The following CNTNAP2 variants were observed in gnomAD, a reference collection of about 807,000 sequenced individuals.
The protein encoded by CNTNAP2 is contactin-associated protein-like 2.
Under a neutral mutation model 155.2 loss-of-function variants are expected in CNTNAP2, and 98 were observed. That is an observed-to-expected ratio of 0.63 (90% CI 0.54 to 0.75). CNTNAP2 has a LOEUF of 0.75. CNTNAP2 is among the 30% of genes least tolerant of loss of function. The pLI, the probability that CNTNAP2 is intolerant of heterozygous loss-of-function variation, is 0.00. For missense variants in CNTNAP2, 1,727 were observed against 1,688.1 expected, an observed-to-expected ratio of 1.02 and a Z score of -0.40; for synonymous variants, 651 against 631.2, an observed-to-expected ratio of 1.03 and a Z score of -0.47.
At chr7:147,805,686 T>G (rs975700182) in intron 13 of CNTNAP2, among the ~76,000 whole-genome samples, 2 of 152,210 alleles carry the variant, frequency 1.3e-5, no homozygotes, top group African/African-American at 2.4e-5. Context: ...AAAATGATGA[T>G]ATGGTTTTTG....
chr7:146,602,630 G>T, intron 1 of CNTNAP2, among the ~76,000 whole-genome samples: 1 of 152,120 alleles, frequency 6.6e-6, no homozygotes, highest in Non-Finnish European at 1.5e-5. Flanking sequence ...TAACTACGTT[G>T]CCCTTGATAC....
intron 10 of CNTNAP2, among the ~76,000 whole-genome samples, chr7:147,434,744 A>G (rs1242893165): frequency 6.6e-6 from 1 of 152,226 alleles, no homozygotes; most frequent in Admixed American, 6.5e-5. Flanking sequence ...TTAGTTGTAC[A>G]TGGAGCACCT....
At chr7:146,625,761 C>T (rs533505478) in intron 1 of CNTNAP2, among the ~76,000 whole-genome samples, 10 of 151,902 alleles carry the variant, frequency 6.6e-5, no homozygotes, top group South Asian at 6.2e-4. Flanking sequence ...CAGAAAAATA[C>T]GGTTTCAGTA....
intron 1 of CNTNAP2, among the ~76,000 whole-genome samples, chr7:146,199,678 C>T (rs1798828744): frequency 6.6e-6 from 1 of 152,044 alleles, no homozygotes; most frequent in African/African-American, 2.4e-5. Context: ...AACACTTTAC[C>T]CCCACCTTTT....
intron 10 of CNTNAP2, among the ~76,000 whole-genome samples, chr7:147,429,091 T>C (rs1355643632): frequency 6.6e-6 from 1 of 152,158 alleles, no homozygotes; most frequent in Non-Finnish European, 1.5e-5. Flanking sequence ...TCCAGATTTC[T>C]GTGAATGCCA....
intron 17 of CNTNAP2, among the ~76,000 whole-genome samples, chr7:148,171,496 T>C (rs1033615475): frequency 6.6e-6 from 1 of 152,240 alleles, no homozygotes; most frequent in Non-Finnish European, 1.5e-5. Flanking sequence ...TGAATCTTTC[T>C]GTGAAATTTC....
intron 2 of CNTNAP2, among the ~76,000 whole-genome samples, chr7:146,827,873 C>T (rs1237772879): frequency 6.6e-6 from 1 of 152,000 alleles, no homozygotes; most frequent in Non-Finnish European, 1.5e-5. Context: ...ACAGCAGCTT[C>T]CAAATAGTTG....
At chr7:146,245,178 A>G (rs1490664390) in intron 1 of CNTNAP2, among the ~76,000 whole-genome samples, 1 of 152,002 alleles carries the variant, frequency 6.6e-6, no homozygotes, top group Admixed American at 6.6e-5. Context: ...AAAGAAGGAA[A>G]TATGGGGAAA....
At chr7:146,849,827 G>C (rs1332765938) in intron 3 of CNTNAP2, among the ~76,000 whole-genome samples, 1 of 152,114 alleles carries the variant, frequency 6.6e-6, no homozygotes, top group Non-Finnish European at 1.5e-5. Context: ...CAAGTAAGTA[G>C]TTAATAGTAG....
chr7:148,229,673 G>A lies in CNTNAP2; in HGVS notation c.3275G>A (p.Gly1092Asp), dbSNP rs1312151190. 2 of 1,613,914 alleles carry A rather than the reference G, an allele frequency of 1.2e-6. No individual in the cohort carries two copies. Among genetic ancestry groups the A allele is most frequent in the African/African-American group, 1.3e-5 (1 of 74,880 alleles). ...TGSLQIRYNL[G>D]GTREPYNIDV... ...AGCTTACAGATTCGATACAACCTGG[G>A]TGGCACCCGAGAGCCATACAATATT... The change falls in exon 20 of 24, where the codon GGT (glycine) becomes GAT (aspartate). Residue 1092 changes from glycine to aspartate, a missense_variant. By Grantham distance (94) the Gly-to-Asp change is moderately conservative (BLOSUM62 -1). Coordinates refer to ENST00000361727, the MANE Select transcript of CNTNAP2 (RefSeq NM_014141.6).
At chr7:146,824,501 C>T (rs116703454) in intron 2 of CNTNAP2, among the ~76,000 whole-genome samples, 3 of 152,136 alleles carry the variant, frequency 2.0e-5, no homozygotes, top group African/African-American at 7.2e-5. Flanking sequence ...TTCACTCCTA[C>T]CAACAGTGTG....
At chr7:146,947,027 A>G (rs1797191916) in intron 3 of CNTNAP2, among the ~76,000 whole-genome samples, 1 of 151,716 alleles carries the variant, frequency 6.6e-6, no homozygotes, top group Non-Finnish European at 1.5e-5. Context: ...ATATCAATTT[A>G]TTTATTTATT....
intron 1 of CNTNAP2, among the ~76,000 whole-genome samples, chr7:146,192,422 A>G (rs1419263806): frequency 6.6e-6 from 1 of 152,192 alleles, no homozygotes; most frequent in Non-Finnish European, 1.5e-5. Flanking sequence ...AAAGTAAAGA[A>G]GTTTAATGAA....
intron 20 of CNTNAP2, among the ~76,000 whole-genome samples, chr7:148,259,638 G>T (rs931409316): frequency 6.6e-6 from 1 of 152,138 alleles, no homozygotes; most frequent in Non-Finnish European, 1.5e-5. Context: ...GAGAACCCAC[G>T]CCATTTAGGT....
intron 21 of CNTNAP2, among the ~76,000 whole-genome samples, chr7:148,366,798 CCTGT>C (rs1205187478): frequency 6.6e-6 from 1 of 152,140 alleles, no homozygotes; most frequent in Non-Finnish European, 1.5e-5. Flanking sequence ...GTTTTCACCA[CCTGT>C]CTAAGACAGA....
intron 1 of CNTNAP2, among the ~76,000 whole-genome samples, chr7:146,483,949 C>T (rs1797018084): frequency 6.6e-6 from 1 of 152,168 alleles, no homozygotes; most frequent in African/African-American, 2.4e-5. Context: ...CCTCAGCCTT[C>T]ACATTCACCC....
chr7:147,901,748 T>C (rs1193570793), intron 13 of CNTNAP2, among the ~76,000 whole-genome samples: 3 of 152,182 alleles, frequency 2.0e-5, no homozygotes, highest in Non-Finnish European at 4.4e-5. Flanking sequence ...CTCCTCTGTG[T>C]TCATAATACT....
At chr7:148,362,988 A>ATT (rs35983945) in intron 21 of CNTNAP2, among the ~76,000 whole-genome samples, 5 of 150,642 alleles carry the variant, frequency 3.3e-5, no homozygotes, top group African/African-American at 1.2e-4. Context: ...TCAACATGCT[A>ATT]TTTTTTTTTT....
intron 1 of CNTNAP2, among the ~76,000 whole-genome samples, chr7:146,714,976 G>T (rs1801161500): frequency 6.6e-6 from 1 of 152,076 alleles, no homozygotes; most frequent in African/African-American, 2.4e-5. Flanking sequence ...ACCTACTCAG[G>T]TAATTCCTAC....
Sources: gnomAD v4.1 joint callset for allele counts (sites outside exome capture counted in the v4.1 genomes callset) on GRCh38, gnomAD v4.1.1 for gene constraint, MANE v1.5 for transcripts, NCBI Gene and HGNC (gene_info 2026-07-23, HGNC 2026-07-21) for gene names.